The following MMP16 variants were observed in gnomAD, a reference collection of about 807,000 sequenced individuals.
The protein encoded by MMP16 is matrix metallopeptidase 16.
In MMP16, 12 loss-of-function variants were observed where a neutral mutation model predicts 67.8. The ratio of observed to expected loss-of-function variants is 0.18; its 90% CI spans 0.11 to 0.29. The LOEUF is 0.29. Ranked by LOEUF, MMP16 falls within the 10% of genes least tolerant of loss-of-function variation. MMP16 has a pLI of 1.00. For missense variants in MMP16, 475 were observed against 765.7 expected, an observed-to-expected ratio of 0.62 and a Z score of 4.48; for synonymous variants, 249 against 255.9, an observed-to-expected ratio of 0.97 and a Z score of 0.26.
rs1317875395 is a variant in MMP16 at position 88,058,214 on chromosome 8, C to T, written c.1223-1936G>A. On this transcript the variant is annotated intron_variant, in intron 7 of 9. Transcript: ENST00000286614. The surrounding 1 kb of genome is among the most constrained non-coding windows in gnomAD (Gnocchi z 4.2). ...ATCAACATAATGAGTTGGAATCTTA[C>T]TTAGAGTGTACTGGAGGCCATCAAG... 6.6e-6 allele frequency among the ~76,000 whole-genome samples: 1 copy of T among 152,056 alleles called. No homozygotes were observed. The highest frequency in any genetic ancestry group is 1.9e-4 in the East Asian group (1 of 5,186).
chr8:88,307,229 T>C (rs1002840577), intron 1 of MMP16, among the ~76,000 whole-genome samples: 2 of 152,158 alleles, frequency 1.3e-5, no homozygotes, highest in Non-Finnish European at 2.9e-5. Context: ...CTGAACTACA[T>C]TAGCAATTTC....
chr8:88,048,725 C>A (rs1415081991), intron 8 of MMP16, among the ~76,000 whole-genome samples: 1 of 152,142 alleles, frequency 6.6e-6, no homozygotes, highest in East Asian at 1.9e-4. Flanking sequence ...TTTGACAATG[C>A]TTTTCCCCCC....
At chr8:88,183,133 T>A (rs1285823595) in intron 3 of MMP16, among the ~76,000 whole-genome samples, 1 of 152,158 alleles carries the variant, frequency 6.6e-6, no homozygotes, top group African/African-American at 2.4e-5. Flanking sequence ...ATTGTATTGG[T>A]AGATAAATGA....
At chr8:88,155,102 A>G (rs903543204) in intron 4 of MMP16, among the ~76,000 whole-genome samples, 2 of 152,088 alleles carry the variant, frequency 1.3e-5, no homozygotes, top group African/African-American at 2.4e-5. Context: ...TGTTAACATC[A>G]CATTTTATAC....
intron 4 of MMP16, among the ~76,000 whole-genome samples, chr8:88,128,908 A>T (rs1807981113): frequency 6.6e-6 from 1 of 151,720 alleles, no homozygotes; most frequent in Non-Finnish European, 1.5e-5. Flanking sequence ...CCTCCTAAAG[A>T]AGAATAAATG....
At chr8:88,135,781 C>A (rs1398408738) in intron 4 of MMP16, among the ~76,000 whole-genome samples, 1 of 151,754 alleles carries the variant, frequency 6.6e-6, no homozygotes, top group East Asian at 1.9e-4. Context: ...TTAACAAAGG[C>A]AGACAATATA....
At chr8:88,269,154 TGTTTCTACATTAGCATTTTACCATCTTA>T (rs1320691110) in intron 1 of MMP16, among the ~76,000 whole-genome samples, 3 of 152,212 alleles carry the variant, frequency 2.0e-5, no homozygotes, top group Non-Finnish European at 4.4e-5. Context: ...TGTGCCAAGG[TGTTTCTACATTAGCATTTTACCATCTTA>T]AGAATTTTTT....
At chr8:88,156,778 G>A (rs926717114) in intron 4 of MMP16, among the ~76,000 whole-genome samples, 6 of 151,532 alleles carry the variant, frequency 4.0e-5, no homozygotes, top group Non-Finnish European at 5.9e-5. Context: ...ATTTCATTTT[G>A]TCTTGTTGAT....
At chr8:88,085,923 T>TA (rs1164267473) in intron 6 of MMP16, among the ~76,000 whole-genome samples, 1 of 150,076 alleles carries the variant, frequency 6.7e-6, no homozygotes, top group Non-Finnish European at 1.5e-5. Flanking sequence ...CCCTTTTTAT[T>TA]AATTAGTATT....
At chr8:88,292,916 G>A (rs1396998372) in intron 1 of MMP16, among the ~76,000 whole-genome samples, 1 of 152,078 alleles carries the variant, frequency 6.6e-6, no homozygotes, top group African/African-American at 2.4e-5. Context: ...TTGACAATGG[G>A]TTTTGAACCC....
intron 3 of MMP16, among the ~76,000 whole-genome samples, chr8:88,173,556 G>T (rs868136193): frequency 6.6e-6 from 1 of 152,046 alleles, no homozygotes; most frequent in Non-Finnish European, 1.5e-5. Flanking sequence ...AATGTTTTAT[G>T]TAAAATGATT....
At chr8:88,191,538 T>C (rs1211708585) in intron 2 of MMP16, among the ~76,000 whole-genome samples, 1 of 152,136 alleles carries the variant, frequency 6.6e-6, no homozygotes, top group African/African-American at 2.4e-5. Context: ...CCTGTATATA[T>C]GTTATTTAAA....
At chr8:88,211,154 G>T (rs942302293) in intron 1 of MMP16, among the ~76,000 whole-genome samples, 5 of 150,996 alleles carry the variant, frequency 3.3e-5, no homozygotes, top group African/African-American at 7.3e-5. Context: ...GATTAAGGAT[G>T]ATCTACACAG....
intron 6 of MMP16, among the ~76,000 whole-genome samples, chr8:88,105,307 T>G (rs1454599599): frequency 6.6e-6 from 1 of 151,584 alleles, no homozygotes; most frequent in Non-Finnish European, 1.5e-5. Flanking sequence ...TTTTAATTTT[T>G]ACTTTATTAA....
chr8:88,053,158 G>A (rs1808290771), intron 8 of MMP16, among the ~76,000 whole-genome samples: 1 of 152,196 alleles, frequency 6.6e-6, no homozygotes, highest in African/African-American at 2.4e-5. Context: ...AGAATAGAAT[G>A]TGCTGCCTCA....
chr8:88,076,310 C>A (rs1808651179), intron 6 of MMP16, among the ~76,000 whole-genome samples: 1 of 152,118 alleles, frequency 6.6e-6, no homozygotes, highest in Non-Finnish European at 1.5e-5. Flanking sequence ...GAACCTGGCA[C>A]AGACTAGTAC....
intron 3 of MMP16, among the ~76,000 whole-genome samples, chr8:88,178,730 C>T (rs542529221): frequency 7.2e-5 from 11 of 151,926 alleles, no homozygotes; most frequent in Non-Finnish European, 1.3e-4. Flanking sequence ...AGAGTTCGTG[C>T]CAATTTGTAA....
At chr8:88,215,857 G>A (rs891297794) in intron 1 of MMP16, among the ~76,000 whole-genome samples, 4 of 152,024 alleles carry the variant, frequency 2.6e-5, no homozygotes, top group Non-Finnish European at 2.9e-5. Flanking sequence ...GACATGTATG[G>A]CTAATAGACA....
chr8:88,315,899 T>C (rs187394475), intron 1 of MMP16, among the ~76,000 whole-genome samples: 21 of 152,270 alleles, frequency 1.4e-4, no homozygotes, highest in Admixed American at 5.9e-4. Context: ...GAAAAGTTTC[T>C]GAAAGAAATT....
Sources: allele counts gnomAD v4.1 joint callset (sites outside exome capture counted in the v4.1 genomes callset), GRCh38; gene constraint gnomAD v4.1.1; non-coding constraint Gnocchi (gnomAD v3.1); transcripts MANE v1.5; gene names NCBI Gene and HGNC (gene_info 2026-07-23, HGNC 2026-07-21).